SMYD3: variants seen among roughly 807,000 people sequenced by gnomAD.
SMYD3 encodes SET and MYND domain containing 3.
In SMYD3, 36 loss-of-function variants were observed where a neutral mutation model predicts 57.7. The observed-to-expected ratio is 0.62, with a 90% CI of 0.48 to 0.82. The LOEUF (loss-of-function observed/expected upper bound fraction) is 0.82. Among genes scored for constraint, SMYD3 ranks in the 40% least tolerant of loss-of-function variants. SMYD3 has a pLI of 0.00. For missense variants in SMYD3, 515 were observed against 538.8 expected (o/e 0.96, Z 0.44); for synonymous variants, 211 against 195.0 (o/e 1.08, Z -0.68).
intron 2 of SMYD3, among the ~76,000 whole-genome samples, chr1:246,344,597 C>G (rs2185355): frequency 6.6e-6 from 1 of 151,894 alleles, no homozygotes; most frequent in Non-Finnish European, 1.5e-5. Flanking sequence ...TAACTAGGAG[C>G]AGAACTGCTG....
At chr1:246,328,863 C>T (rs1175356013) in intron 4 of SMYD3, among the ~76,000 whole-genome samples, 1 of 151,770 alleles carries the variant, frequency 6.6e-6, no homozygotes, top group East Asian at 1.9e-4. Context: ...ACAACAGTCC[C>T]CAGAGTGTGC....
At chr1:246,037,736 G>A (rs1031061570) in intron 5 of SMYD3, among the ~76,000 whole-genome samples, 1 of 152,174 alleles carries the variant, frequency 6.6e-6, no homozygotes, top group East Asian at 1.9e-4. Context: ...GCCCCATTTG[G>A]GGAGAAGAAG....
chr1:245,786,222 G>GC (rs1572333339), intron 10 of SMYD3, among the ~76,000 whole-genome samples: 1 of 145,044 alleles, frequency 6.9e-6, no homozygotes, highest in African/African-American at 2.6e-5. Context: ...ACGGGGGGGG[G>GC]ATGGTGGCAA....
At chr1:246,400,852 T>C (rs531764958) in intron 1 of SMYD3, among the ~76,000 whole-genome samples, 16 of 152,244 alleles carry the variant, frequency 1.1e-4, no homozygotes, top group Admixed American at 1.0e-3. Context: ...CTATGAATTA[T>C]ACAGTATACA....
At chr1:246,001,031 T>C (rs2059031846) in intron 5 of SMYD3, among the ~76,000 whole-genome samples, 1 of 152,284 alleles carries the variant, frequency 6.6e-6, no homozygotes, top group African/African-American at 2.4e-5. Flanking sequence ...TATCAGCCCA[T>C]TTACACCACT....
At chr1:245,774,835 C>T (rs558443224) in intron 10 of SMYD3, among the ~76,000 whole-genome samples, 3 of 152,182 alleles carry the variant, frequency 2.0e-5, no homozygotes, top group Admixed American at 6.5e-5. Flanking sequence ...CGAGTGCCTG[C>T]GATTGCAGGG....
At chr1:246,104,370 T>G (rs545390229) in intron 5 of SMYD3, among the ~76,000 whole-genome samples, 11 of 152,378 alleles carry the variant, frequency 7.2e-5, no homozygotes, top group African/African-American at 2.6e-4. Context: ...AGAACGGTGC[T>G]ACTCAGAGCA....
At chr1:245,989,173 T>C (rs909685540) in intron 5 of SMYD3, among the ~76,000 whole-genome samples, 3 of 150,706 alleles carry the variant, frequency 2.0e-5, no homozygotes, top group South Asian at 2.1e-4. Flanking sequence ...ATAACACTTC[T>C]GACGACTGGT....
chr1:246,325,501 T>C (rs1248340913), intron 5 of SMYD3, among the ~76,000 whole-genome samples: 1 of 152,092 alleles, frequency 6.6e-6, no homozygotes, highest in African/African-American at 2.4e-5. Flanking sequence ...CTGTGTATTT[T>C]CTAGCAATAA....
intron 5 of SMYD3, among the ~76,000 whole-genome samples, chr1:246,195,096 T>C (rs1326540372): frequency 6.6e-6 from 1 of 152,184 alleles, no homozygotes; most frequent in Non-Finnish European, 1.5e-5. Context: ...AAAAAAGACA[T>C]CACATTTTTG....
chr1:246,059,025 C>A (rs567434196), intron 5 of SMYD3, among the ~76,000 whole-genome samples: 1 of 152,220 alleles, frequency 6.6e-6, no homozygotes, highest in Non-Finnish European at 1.5e-5. Flanking sequence ...CAGGCGTCCG[C>A]CACCATGCCC....
chr1:246,329,105 C>G (rs940696901), intron 4 of SMYD3, among the ~76,000 whole-genome samples: 10 of 152,122 alleles, frequency 6.6e-5, no homozygotes, highest in Non-Finnish European at 8.8e-5. Flanking sequence ...GGACATTTGG[C>G]TTGGTTCCAA....
At chr1:246,418,609 T>C (rs768970543) in intron 1 of SMYD3, among the ~76,000 whole-genome samples, 4 of 152,194 alleles carry the variant, frequency 2.6e-5, no homozygotes, top group Non-Finnish European at 4.4e-5. Flanking sequence ...TCAGATCACA[T>C]GTAGGCTTGG....
At chr1:246,145,359 T>G (rs2061826585) in intron 5 of SMYD3, among the ~76,000 whole-genome samples, 1 of 152,238 alleles carries the variant, frequency 6.6e-6, no homozygotes, top group Non-Finnish European at 1.5e-5. Context: ...TAGCTTTTAT[T>G]CTCCCAATTA....
chr1:245,891,449 C>G (rs4654163), intron 8 of SMYD3, among the ~76,000 whole-genome samples: 64,779 of 152,082 alleles, frequency 0.43, 16,687 homozygotes, highest in East Asian at 0.77. Context: ...ACTGCAGAGA[C>G]AGCCCAGGAT....
intron 1 of SMYD3, among the ~76,000 whole-genome samples, chr1:246,490,520 A>C (rs1469817048): frequency 6.6e-6 from 1 of 152,204 alleles, no homozygotes; most frequent in Non-Finnish European, 1.5e-5. Context: ...CAAATAACTA[A>C]TAAAACCTAA....
chr1:245,882,817 T>C (rs1165391973), intron 8 of SMYD3, among the ~76,000 whole-genome samples: 1 of 152,234 alleles, frequency 6.6e-6, no homozygotes, highest in African/African-American at 2.4e-5. Context: ...TAGCAAAGCA[T>C]ACTTCACTGA....
chr1:245,816,303 G>A, intron 10 of SMYD3, among the ~76,000 whole-genome samples: 1 of 152,010 alleles, frequency 6.6e-6, no homozygotes, highest in East Asian at 1.9e-4. Flanking sequence ...GGGGTGGCTA[G>A]GGGGTGGACA....
At chr1:246,242,356 G>A (rs10924604) in intron 5 of SMYD3, among the ~76,000 whole-genome samples, 31,566 of 152,104 alleles carry the variant, frequency 0.21, 3,995 homozygotes, top group East Asian at 0.58. Flanking sequence ...GTACCCAGTA[G>A]TCATTCAGGA....
Sources: gnomAD v4.1 joint callset for allele counts (sites outside exome capture counted in the v4.1 genomes callset) on GRCh38, gnomAD v4.1.1 for gene constraint, MANE v1.5 for transcripts, NCBI Gene and HGNC (gene_info 2026-07-23, HGNC 2026-07-21) for gene names.